The following NAV2 variants were observed in gnomAD, a reference collection of about 807,000 sequenced individuals.
The protein encoded by NAV2 is helicase, APC down-regulated 1.
Under a neutral mutation model 223.2 loss-of-function variants are expected in NAV2, and 54 were observed. The ratio of observed to expected loss-of-function variants is 0.24; its 90% CI spans 0.19 to 0.30. The LOEUF is 0.30. Ranked by LOEUF, NAV2 falls within the 10% of genes least tolerant of loss-of-function variation. The probability of loss-of-function intolerance (pLI) is 1.00; values close to 1 mark genes in which losing one functional copy is unlikely to be tolerated. For missense variants in NAV2, 2,806 were observed against 3,147.5 expected (o/e 0.89, Z 2.60); for synonymous variants, 1,279 against 1,239.3 (o/e 1.03, Z -0.67).
intron 5 of NAV2, among the ~76,000 whole-genome samples, chr11:19,888,278 T>C (rs1413597400): frequency 6.6e-6 from 1 of 152,188 alleles, no homozygotes; most frequent in African/African-American, 2.4e-5. Flanking sequence ...TTTCTGGTGC[T>C]GTAAGGGATG....
chr11:20,112,069 T>C (rs1029878630), intron 36 of NAV2, among the ~76,000 whole-genome samples: 16 of 152,170 alleles, frequency 1.1e-4, no homozygotes, highest in Non-Finnish European at 2.4e-4. Context: ...GAGGTCTGGC[T>C]TGGGAAATGC....
intron 1 of NAV2, among the ~76,000 whole-genome samples, chr11:19,552,906 G>C (rs539534227): frequency 2.0e-5 from 3 of 151,876 alleles, no homozygotes; most frequent in African/African-American, 2.4e-5. Context: ...GGGGGGAAGG[G>C]GGGGAGCTGG....
intron 1 of NAV2, among the ~76,000 whole-genome samples, chr11:19,532,816 A>G (rs1001687155): frequency 6.6e-6 from 1 of 152,206 alleles, no homozygotes; most frequent in Non-Finnish European, 1.5e-5. Flanking sequence ...TCCCACATAC[A>G]AGGGGAAGAT....
At chr11:19,919,039 G>A (rs931058498) in intron 6 of NAV2, among the ~76,000 whole-genome samples, 1 of 152,116 alleles carries the variant, frequency 6.6e-6, no homozygotes, top group African/African-American at 2.4e-5. Flanking sequence ...AAAAATAAAA[G>A]TTGGAAGGAT....
chr11:19,842,616 T>A (rs16937196), intron 2 of NAV2, among the ~76,000 whole-genome samples: 51,504 of 151,918 alleles, frequency 0.34, 8,824 homozygotes, highest in Admixed American at 0.39. Context: ...ACGATGCCCC[T>A]TCACTCCAAG....
chr11:19,513,690 T>C (rs1190761951), intron 1 of NAV2, among the ~76,000 whole-genome samples: 1 of 152,242 alleles, frequency 6.6e-6, no homozygotes, highest in African/African-American at 2.4e-5. Flanking sequence ...AACCCCTAAT[T>C]CCTCAGAATG....
At chr11:19,719,262 A>G (rs2050562534) in intron 1 of NAV2, among the ~76,000 whole-genome samples, 1 of 152,194 alleles carries the variant, frequency 6.6e-6, no homozygotes, top group Non-Finnish European at 1.5e-5. Context: ...GGAGCTCTTT[A>G]TATAGATATT....
intron 6 of NAV2, among the ~76,000 whole-genome samples, chr11:19,893,098 T>G (rs961753943): frequency 6.6e-6 from 1 of 151,876 alleles, no homozygotes; most frequent in Non-Finnish European, 1.5e-5. Flanking sequence ...ACAGCATTGC[T>G]CTAGGAGTTG....
intron 1 of NAV2, among the ~76,000 whole-genome samples, chr11:19,763,600 T>C (rs1590367561): frequency 6.6e-6 from 1 of 152,268 alleles, no homozygotes; most frequent in East Asian, 1.9e-4. Flanking sequence ...GTGAATGAAT[T>C]AGGCTCCGTT....
intron 1 of NAV2, among the ~76,000 whole-genome samples, chr11:19,634,942 A>G (rs906734393): frequency 6.6e-6 from 1 of 152,242 alleles, no homozygotes; most frequent in African/African-American, 2.4e-5. Flanking sequence ...TTTCAAGAAC[A>G]TGCCCATGTA....
At chr11:19,706,401 A>G (rs2049664234) in intron 1 of NAV2, among the ~76,000 whole-genome samples, 1 of 152,222 alleles carries the variant, frequency 6.6e-6, no homozygotes, top group Non-Finnish European at 1.5e-5. Flanking sequence ...TTTTTGTTAC[A>G]AAATTAAATT....
At chr11:19,672,004 C>T (rs914952499) in intron 1 of NAV2, among the ~76,000 whole-genome samples, 2 of 152,148 alleles carry the variant, frequency 1.3e-5, no homozygotes, top group African/African-American at 4.8e-5. Context: ...GTGATGGGTG[C>T]CACCAAGCGC....
intron 10 of NAV2, among the ~76,000 whole-genome samples, chr11:19,955,743 G>A (rs2047797502): frequency 6.6e-6 from 1 of 152,160 alleles, no homozygotes; most frequent in African/African-American, 2.4e-5. Flanking sequence ...TGAATCAAAG[G>A]GGGTAGATTA....
chr11:20,046,325 G>A lies in NAV2; in HGVS notation c.3902+655G>A, dbSNP rs1354925095. ...CACTCCAGCCTGGGCAACAGAGCGA[G>A]ACTCCATCTCAAAAAAAAAAAAAAA... On this transcript the variant is annotated intron_variant, in intron 14 of 37. Transcript: ENST00000349880. Among the ~76,000 whole-genome samples, 10 of 145,932 alleles carry A rather than the reference G, an allele frequency of 6.9e-5. No homozygotes were observed. In the East Asian group the frequency reaches 1.6e-3, roughly 23 times the overall value.
At chr11:19,688,517 G>A (rs1408746874) in intron 1 of NAV2, among the ~76,000 whole-genome samples, 2 of 152,192 alleles carry the variant, frequency 1.3e-5, no homozygotes, top group Non-Finnish European at 2.9e-5. Flanking sequence ...AAAAATATAT[G>A]AGAAGTAAAA....
chr11:19,372,555 A>G (rs1848506049), intron 1 of NAV2, among the ~76,000 whole-genome samples: 1 of 152,138 alleles, frequency 6.6e-6, no homozygotes. Context: ...CTCCCTCCAG[A>G]TGTCTGGGGG....
At chr11:19,376,184 C>T (rs1463739429) in intron 1 of NAV2, among the ~76,000 whole-genome samples, 1 of 152,160 alleles carries the variant, frequency 6.6e-6, no homozygotes, top group Non-Finnish European at 1.5e-5. Context: ...TCTGTAGTTA[C>T]TTCCTGCTCA....
intron 1 of NAV2, among the ~76,000 whole-genome samples, chr11:19,663,981 A>C (rs1487915810): frequency 6.6e-6 from 1 of 152,220 alleles, no homozygotes. Flanking sequence ...CTTCCTGCCA[A>C]GCCCAGACCA....
intron 1 of NAV2, among the ~76,000 whole-genome samples, chr11:19,360,399 A>T (rs977379539): frequency 1.3e-5 from 2 of 152,062 alleles, no homozygotes; most frequent in African/African-American, 4.8e-5. Context: ...TAGGCTATAA[A>T]TCCTCAGCTG....
Sources: allele counts gnomAD v4.1 joint callset (sites outside exome capture counted in the v4.1 genomes callset), GRCh38; gene constraint gnomAD v4.1.1; transcripts MANE v1.5; gene names NCBI Gene and HGNC (gene_info 2026-07-23, HGNC 2026-07-21).